The following CCDC170 variants were observed in gnomAD, a reference collection of about 807,000 sequenced individuals.
The protein encoded by CCDC170 is coiled-coil domain containing 170, also known as coiled-coil domain-containing protein 170.
In CCDC170, 69 loss-of-function variants were observed where a neutral mutation model predicts 72.6. The ratio of observed to expected loss-of-function variants is 0.95; its 90% CI spans 0.78 to 1.16. CCDC170 has a LOEUF of 1.16. Ranked by LOEUF, CCDC170 falls within the 50% of genes most tolerant of loss-of-function variation. The pLI is 0.00. For synonymous variants in CCDC170, 300 were observed against 303.9 expected (o/e 0.99, Z 0.13); for missense variants, 852 against 832.5 (o/e 1.02, Z -0.29).
intron 1 of CCDC170, among the ~76,000 whole-genome samples, chr6:151,531,958 T>A (rs1273530338): frequency 6.6e-6 from 1 of 152,212 alleles, no homozygotes; most frequent in Non-Finnish European, 1.5e-5. Flanking sequence ...TTATGGGAAC[T>A]ACAATTCAAG....
At chr6:151,593,079 C>T in intron 7 of CCDC170, 28 bp from the exon 8 acceptor site, 1 of 1,611,642 alleles carries the variant, frequency 6.2e-7, no homozygotes, top group Non-Finnish European at 8.5e-7. Flanking sequence ...CTTTCATGTC[C>T]CATTTTTGTT....
intron 9 of CCDC170, among the ~76,000 whole-genome samples, chr6:151,613,914 A>G (rs1453388434): frequency 1.3e-5 from 2 of 152,188 alleles, no homozygotes; most frequent in Non-Finnish European, 2.9e-5. Flanking sequence ...AAAACTGGCA[A>G]ACTATTTTCC....
In CCDC170 at chr6:151,540,373, C is replaced by CTTTTTTTTTTT. The variant is rs779650559; in HGVS notation, c.443+2091_443+2101dup. 9.6e-3 allele frequency among the ~76,000 whole-genome samples: 365 copies of CTTTTTTTTTTT among 37,982 alleles called. 117 individuals carry two copies. The highest frequency in any genetic ancestry group is 0.018 in the Admixed American group (30 of 1,672). The allele number at this position is 37,982 out of a possible 152,430, so 24.9% of individuals were successfully genotyped here. On this transcript the variant is annotated intron_variant, in intron 3 of 10. Coordinates refer to ENST00000239374, the MANE Select transcript of CCDC170 (RefSeq NM_025059.4). Reference sequence around the variant, plus strand: ...CCTCCTCCTCCTTCTTCTGCTGCTGCTTTTTTTTTTTTTTTTTTTTTTTTT... The same window carrying CTTTTTTTTTTT: ...CCTCCTCCTCCTTCTTCTGCTGCTGCTTTTTTTTTTTTTTTTTTTTTTTTTTTTTTTTTTTT...
chr6:151,544,515 G>T, intron 3 of CCDC170, 57 bp from the exon 4 acceptor site: 1 of 1,519,392 alleles, frequency 6.6e-7, no homozygotes, highest in Non-Finnish European at 9.0e-7. Context: ...GACTTGGTTT[G>T]ATGAATGTTA....
At chr6:151,561,878 G>A (rs1199947840) in intron 5 of CCDC170, among the ~76,000 whole-genome samples, 2 of 151,918 alleles carry the variant, frequency 1.3e-5, no homozygotes, top group Non-Finnish European at 2.9e-5. Flanking sequence ...TGAAGATTTG[G>A]TCAAAGCCAT....
chr6:151,496,017 T>C (rs1320460537), intron 1 of CCDC170, among the ~76,000 whole-genome samples: 4 of 152,232 alleles, frequency 2.6e-5, no homozygotes, highest in African/African-American at 9.6e-5. Flanking sequence ...TAGTTATGTC[T>C]CCAGTCTCTT....
chr6:151,533,186 T>C (rs1782517318), intron 1 of CCDC170, among the ~76,000 whole-genome samples: 2 of 151,454 alleles, frequency 1.3e-5, no homozygotes, highest in Non-Finnish European at 2.9e-5. Flanking sequence ...CCCGAGTAGC[T>C]GGGACTACAG....
Position 151,618,467 on chromosome 6 carries a change from A to G in CCDC170, c.*320A>G. 6.8e-6 allele frequency: 2 copies of G among 295,548 alleles called. No individual in the cohort carries two copies. The highest frequency in any genetic ancestry group is 1.0e-4 in the South Asian group (2 of 19,392). 18.3% of individuals were successfully genotyped at this position (295,548 alleles called of 1,614,324 possible). On this transcript the variant is annotated 3_prime_UTR_variant, in exon 11 of 11. Coordinates refer to ENST00000239374, the MANE Select transcript of CCDC170 (RefSeq NM_025059.4). ...TTTAAGTCAGGGGCTTTACTAGCCGATTTAGTTCTCACAATAACCATGTGG... is the reference window on the plus strand; with the variant it reads ...TTTAAGTCAGGGGCTTTACTAGCCGGTTTAGTTCTCACAATAACCATGTGG...
At chr6:151,610,406 G>C (rs1330124013) in intron 9 of CCDC170, among the ~76,000 whole-genome samples, 1 of 152,062 alleles carries the variant, frequency 6.6e-6, no homozygotes, top group African/African-American at 2.4e-5. Flanking sequence ...TAGTATAATG[G>C]ATACTCTTTT....
rs1456449405 is a variant in CCDC170 at position 151,557,998 on chromosome 6, G to A, written c.774+9509G>A. Among the ~76,000 whole-genome samples, 7 of 129,616 alleles carry A rather than the reference G, an allele frequency of 5.4e-5. No individual in the cohort carries two copies. In the Admixed American group the frequency reaches 5.9e-4, roughly 11 times the overall value. 85.0% of individuals were successfully genotyped at this position (129,616 alleles called of 152,430 possible). The stretch of plus-strand genomic sequence containing the variant: ...ACTTGTAATCCCAGCTACTCGGGAG[G>A]CTGAGGCAGGAGAATCGCTTGAGCT... On this transcript the variant is annotated intron_variant, in intron 5 of 10. Coordinates refer to ENST00000239374, the MANE Select transcript of CCDC170 (RefSeq NM_025059.4).
chr6:151,587,634 T>A (rs771521744), intron 7 of CCDC170, among the ~76,000 whole-genome samples: 13 of 152,154 alleles, frequency 8.5e-5, no homozygotes, highest in Non-Finnish European at 1.9e-4. Flanking sequence ...TGCATTGAGG[T>A]TGGATATGCA....
chr6:151,537,255 C>A (rs762725253), intron 2 of CCDC170, among the ~76,000 whole-genome samples: 2 of 152,164 alleles, frequency 1.3e-5, no homozygotes, highest in African/African-American at 4.8e-5. Flanking sequence ...CTGCTTATAG[C>A]CTGGTGGCCC....
At chr6:151,508,166 A>G (rs1204098294) in intron 1 of CCDC170, among the ~76,000 whole-genome samples, 1 of 152,210 alleles carries the variant, frequency 6.6e-6, no homozygotes, top group Non-Finnish European at 1.5e-5. Context: ...AAGTCTATGT[A>G]AGGGAAATAT....
chr6:151,592,490 G>A (rs1776556363), intron 7 of CCDC170, among the ~76,000 whole-genome samples: 1 of 152,218 alleles, frequency 6.6e-6, no homozygotes. Context: ...TGGTGGAAGA[G>A]TAAGGGATGT....
intron 7 of CCDC170, among the ~76,000 whole-genome samples, chr6:151,587,716 C>T (rs765301270): frequency 6.6e-6 from 1 of 152,156 alleles, no homozygotes; most frequent in Non-Finnish European, 1.5e-5. Flanking sequence ...CGTAATAGTA[C>T]AATAGTGCAA....
At position 151,618,492 on chromosome 6, in the gene CCDC170, G is replaced by A. The variant is rs6904261; in HGVS notation, c.*345G>A. ...ATTTAGTTCTCACAATAACCATGTG[G>A]AGAAGCTGTGACATTTTTAATTTAC... On this transcript the variant is annotated 3_prime_UTR_variant, in exon 11 of 11. Coordinates refer to ENST00000239374, the MANE Select transcript of CCDC170 (RefSeq NM_025059.4). 0.21 allele frequency: 49,513 copies of A among 238,994 alleles called. 5,486 individuals are homozygous for A. The highest frequency in any genetic ancestry group is 0.25 in the Middle Eastern group (155 of 630). The allele number at this position is 238,994 out of a possible 1,614,324, so 14.8% of individuals were successfully genotyped here. A position where few individuals can be genotyped will look rare whatever the true frequency, so the allele number is the denominator to read the frequency against.
At chr6:151,509,817 A>T (rs1782122705) in intron 1 of CCDC170, among the ~76,000 whole-genome samples, 1 of 152,160 alleles carries the variant, frequency 6.6e-6, no homozygotes, top group South Asian at 2.1e-4. Flanking sequence ...CCAGGCATAT[A>T]TGGGACAATA....
intron 1 of CCDC170, among the ~76,000 whole-genome samples, chr6:151,534,068 CTTTTT>C (rs11359591): frequency 7.1e-6 from 1 of 141,580 alleles, no homozygotes; most frequent in Non-Finnish European, 1.6e-5. Context: ...TCATTCATTC[CTTTTT>C]TTTTTTTTTG....
rs1304143389 is a variant in CCDC170, at chr6:151,538,316, A to G, written c.443+15A>G. The G allele has an allele frequency of 1.9e-6, 3 of 1,605,030 alleles. No homozygotes were observed. The African/African-American group carries it at 4.0e-5, about 22-fold the overall frequency. On this transcript the variant is annotated intron_variant, in intron 3 of 10. Coordinates refer to ENST00000239374, the MANE Select transcript of CCDC170 (RefSeq NM_025059.4). Reference sequence around the variant, plus strand: ...GAAAAATTACAGTAAGGATACTGCAATATATTTTTCGCTTTAGCTAGCATT... The same window carrying G: ...GAAAAATTACAGTAAGGATACTGCAGTATATTTTTCGCTTTAGCTAGCATT...
Sources: gnomAD v4.1 joint callset for allele counts (sites outside exome capture counted in the v4.1 genomes callset) on GRCh38, gnomAD v4.1.1 for gene constraint, MANE v1.5 for transcripts, NCBI Gene and HGNC (gene_info 2026-07-23, HGNC 2026-07-21) for gene names.